SLC4A10: variants seen among roughly 807,000 people sequenced by gnomAD.
SLC4A10 encodes the protein sodium-driven chloride bicarbonate exchanger.
In SLC4A10, 42 loss-of-function variants were observed where a neutral mutation model predicts 137.7. The observed-to-expected ratio is 0.30, with a 90% CI of 0.24 to 0.39. The LOEUF (loss-of-function observed/expected upper bound fraction) is 0.39. Among genes scored for constraint, SLC4A10 ranks in the 10% least tolerant of loss-of-function variants. The pLI, the probability that SLC4A10 is intolerant of heterozygous loss-of-function variation, is 1.00. For synonymous variants in SLC4A10, 474 were observed against 464.1 expected (o/e 1.02, Z -0.27); for missense variants, 925 against 1,355.0 (o/e 0.68, Z 4.98).
intron 15 of SLC4A10, among the ~76,000 whole-genome samples, chr2:161,909,343 T>A (rs1685266503): frequency 6.6e-6 from 1 of 152,216 alleles, no homozygotes; most frequent in East Asian, 1.9e-4. Context: ...AAGTTTTCCT[T>A]GGATCAATGT....
At chr2:161,825,836 G>T (rs571009648) in intron 3 of SLC4A10, among the ~76,000 whole-genome samples, 1 of 152,152 alleles carries the variant, frequency 6.6e-6, no homozygotes, top group Non-Finnish European at 1.5e-5. Flanking sequence ...ACTCTAAAAT[G>T]TGTCTGTTTC....
At chr2:161,670,778 T>C (rs976034842) in intron 1 of SLC4A10, among the ~76,000 whole-genome samples, 4 of 152,106 alleles carry the variant, frequency 2.6e-5, no homozygotes, top group African/African-American at 7.2e-5. Context: ...CATAATTCTT[T>C]CTACTTCAGT....
intron 1 of SLC4A10, among the ~76,000 whole-genome samples, chr2:161,768,272 T>C (rs1488844606): frequency 6.6e-6 from 1 of 152,040 alleles, no homozygotes; most frequent in African/African-American, 2.4e-5. Context: ...ATTGACTACC[T>C]GACATCCATA....
intron 15 of SLC4A10, among the ~76,000 whole-genome samples, chr2:161,935,652 G>A (rs1172331265): frequency 6.6e-6 from 1 of 152,058 alleles, no homozygotes; most frequent in African/African-American, 2.4e-5. Flanking sequence ...ATTGCAAACA[G>A]GATTGTTTTC....
intron 10 of SLC4A10, among the ~76,000 whole-genome samples, chr2:161,882,820 G>C (rs1188477698): frequency 6.6e-6 from 1 of 152,084 alleles, no homozygotes; most frequent in South Asian, 2.1e-4. Flanking sequence ...TATCTGAATA[G>C]TATACATGAC....
At chr2:161,651,561 A>T (rs986259396) in intron 1 of SLC4A10, among the ~76,000 whole-genome samples, 7 of 152,192 alleles carry the variant, frequency 4.6e-5, no homozygotes, top group Admixed American at 3.9e-4. Flanking sequence ...CAGGGCTGTG[A>T]CACCCTCTTT....
At chr2:161,915,854 T>A (rs1425532556) in intron 15 of SLC4A10, among the ~76,000 whole-genome samples, 13 of 152,188 alleles carry the variant, frequency 8.5e-5, no homozygotes, top group Admixed American at 5.9e-4. Flanking sequence ...TAATCTAATC[T>A]TTTTGGTGTC....
intron 4 of SLC4A10, among the ~76,000 whole-genome samples, chr2:161,841,482 G>A (rs1020192371): frequency 2.8e-4 from 43 of 152,292 alleles, no homozygotes; most frequent in African/African-American, 9.9e-4. Context: ...TCCTCAGATT[G>A]CAATTGCTGT....
At chr2:161,949,386 A>G (rs1240352050) in intron 18 of SLC4A10, 125 bp downstream of exon 18, 9 of 572,738 alleles carry the variant, frequency 1.6e-5, no homozygotes, top group Non-Finnish European at 2.1e-5. Context: ...AGACCAGTAA[A>G]TGAAATGCAC....
At chr2:161,788,099 G>A (rs568756296) in intron 2 of SLC4A10, among the ~76,000 whole-genome samples, 2 of 151,050 alleles carry the variant, frequency 1.3e-5, no homozygotes, top group East Asian at 3.9e-4. Flanking sequence ...TTCCCTTGAG[G>A]GTATGACTGT....
intron 9 of SLC4A10, 33 bp downstream of exon 9, chr2:161,879,321 C>G: frequency 6.5e-7 from 1 of 1,538,474 alleles, no homozygotes; most frequent in Non-Finnish European, 8.8e-7. Context: ...TTGTATTTTT[C>G]TTAAACCATC....
intron 1 of SLC4A10, among the ~76,000 whole-genome samples, chr2:161,765,333 G>A (rs557036827): frequency 1.3e-5 from 2 of 152,074 alleles, no homozygotes; most frequent in Non-Finnish European, 2.9e-5. Context: ...GGGGCTGGGC[G>A]TGGTGGCTCA....
At chr2:161,678,748 C>T (rs2040531232) in intron 1 of SLC4A10, among the ~76,000 whole-genome samples, 1 of 151,998 alleles carries the variant, frequency 6.6e-6, no homozygotes, top group African/African-American at 2.4e-5. Flanking sequence ...ACATTTTTTG[C>T]ATATCATTAT....
chr2:161,854,593 T>A (rs539642152), intron 4 of SLC4A10, among the ~76,000 whole-genome samples: 141 of 152,236 alleles, frequency 9.3e-4, no homozygotes, highest in Admixed American at 1.7e-3. Flanking sequence ...TAAGGAAAAA[T>A]AAGTATTCTT....
At chr2:161,699,089 A>T (rs563851139) in intron 1 of SLC4A10, among the ~76,000 whole-genome samples, 1 of 152,244 alleles carries the variant, frequency 6.6e-6, no homozygotes, top group East Asian at 1.9e-4. Flanking sequence ...GCGCGATCTC[A>T]GCTCACTGCA....
intron 6 of SLC4A10, among the ~76,000 whole-genome samples, 156 bp from the exon 7 acceptor site, chr2:161,872,137 T>C (rs1314857297): frequency 6.6e-6 from 1 of 152,226 alleles, no homozygotes; most frequent in East Asian, 1.9e-4. Flanking sequence ...AGAATGTTTG[T>C]ATTAATATAG....
At position 161,972,737 on chromosome 2, in the gene SLC4A10, G is replaced by A. The variant is rs572657389; in HGVS notation, c.3160-1512G>A. ...GCAGGGAAGTAGCAGAGCTCATGCA[G>A]TCTCTGGCATCTCCATTATCCCGAA... On this transcript the variant is annotated intron_variant, in intron 23 of 26. Coordinates refer to ENST00000446997, the MANE Select transcript of SLC4A10 (RefSeq NM_001178015.2). Among the ~76,000 whole-genome samples, 14 of 152,286 alleles carry A rather than the reference G, an allele frequency of 9.2e-5. No individual in the cohort carries two copies. In the South Asian group the frequency reaches 2.9e-3, roughly 32 times the overall value.
chr2:161,729,826 C>T (rs1002652942), intron 1 of SLC4A10, among the ~76,000 whole-genome samples: 4 of 152,196 alleles, frequency 2.6e-5, no homozygotes, highest in Non-Finnish European at 4.4e-5. Flanking sequence ...TCACCTTTCA[C>T]TAGGTCTTTT....
chr2:161,696,494 C>T (rs1293287170), intron 1 of SLC4A10, among the ~76,000 whole-genome samples: 1 of 122,628 alleles, frequency 8.2e-6, no homozygotes, highest in Non-Finnish European at 1.6e-5. Context: ...TGTGATGTTC[C>T]CCTTCCTGTG....
Sources: allele counts gnomAD v4.1 joint callset (sites outside exome capture counted in the v4.1 genomes callset), GRCh38; gene constraint gnomAD v4.1.1; transcripts MANE v1.5; gene names NCBI Gene and HGNC (gene_info 2026-07-23, HGNC 2026-07-21).